RAP2C: variants seen among roughly 807,000 people sequenced by gnomAD.
RAP2C encodes the protein RAP2C, member of RAS oncogene family, also known as ras-related protein Rap-2c.
RAP2C carries 3 observed loss-of-function variants against 8.9 expected under a neutral mutation model. That is an observed-to-expected ratio of 0.34 (90% confidence interval 0.15 to 0.87). The LOEUF is 0.87. Among genes scored for constraint, RAP2C ranks in the 40% least tolerant of loss-of-function variants. The pLI is 0.51. For synonymous variants in RAP2C, 60 were observed against 52.1 expected, an observed-to-expected ratio of 1.15 and a Z score of -0.65; for missense variants, 76 against 133.7, an observed-to-expected ratio of 0.57 and a Z score of 2.13.
intron 5 of RAP2C, among the ~76,000 whole-genome samples, chrX:132,207,155 T>C (rs906761903): frequency 2.7e-5 from 3 of 111,959 alleles, no homozygotes; most frequent in Non-Finnish European, 5.7e-5. Context: ...GAATACTTTT[T>C]AGTAATTTAG....
In RAP2C at chrX:132,217,123, G is replaced by C; in HGVS notation, c.146C>G (p.Ser49Cys). ...FYRKEIEVDS[S>C]PSVLEILDTA... is the part of the protein sequence containing the mutation. Reference sequence around the variant, plus strand: ...GTCCAGAATTTCCAGCACGGAGGGGGAAGAGTCCACTTCGATCTCTTTGCG... The same window carrying C: ...GTCCAGAATTTCCAGCACGGAGGGGCAAGAGTCCACTTCGATCTCTTTGCG... The change falls in exon 4 of 6, where the codon TCC becomes TGC. Residue 49 changes from serine (S) to cysteine (C), a missense_variant. Ser to Cys is a moderately radical substitution (Grantham distance 112, BLOSUM62 -1). Transcript: ENST00000370874. The C allele has an allele frequency of 8.3e-7, 1 of 1,205,504 alleles. No homozygotes were observed. The highest frequency in any genetic ancestry group is 1.1e-6 in the Non-Finnish European group (1 of 892,445).
chrX:132,217,334 T>C lies in RAP2C; in HGVS notation c.-66A>G. On this transcript the variant is annotated 5_prime_UTR_variant, in exon 4 of 6. Transcript: ENST00000370874. ...ATCACCCCGCTAGCTGTGGCGCGGCTAGACGAGGCGGAAGGTGGGCGGAAA... is the reference window on the plus strand; with the variant it reads ...ATCACCCCGCTAGCTGTGGCGCGGCCAGACGAGGCGGAAGGTGGGCGGAAA... 5.0e-6 allele frequency: 5 copies of C among 1,000,329 alleles called. No homozygotes were observed. Among genetic ancestry groups the C allele is most frequent in the Admixed American group, 3.7e-5 (1 of 26,892 alleles). 82.4% of individuals were successfully genotyped at this position (1,000,329 alleles called of 1,213,427 possible).
Position 132,217,466 on chromosome X carries a change from G to C in RAP2C, c.-198C>G. On this transcript the variant is annotated 5_prime_UTR_variant, in exon 4 of 6. Coordinates refer to ENST00000370874, the MANE Select transcript of RAP2C (RefSeq NM_001271186.2). Reference sequence around the variant, plus strand: ...AGAGCGTAGAGTCGGGGAGGGTGGGGAAGGGATGGTAATGCCCTTCCTATA... The same window carrying C: ...AGAGCGTAGAGTCGGGGAGGGTGGGCAAGGGATGGTAATGCCCTTCCTATA... The C allele has an allele frequency of 2.8e-5, 5 of 175,562 alleles. No homozygotes were observed. The highest frequency in any genetic ancestry group is 1.2e-4 in the East Asian group (1 of 8,653). 14.5% of individuals were successfully genotyped at this position (175,562 alleles called of 1,213,427 possible). A position where few individuals can be genotyped will look rare whatever the true frequency, so the allele number is the denominator to read the frequency against.
chrX:132,212,314 A>C (rs1356277178), intron 5 of RAP2C, among the ~76,000 whole-genome samples: 1 of 111,961 alleles, frequency 8.9e-6, no homozygotes, highest in African/African-American at 3.2e-5. Flanking sequence ...ATACTAAAAA[A>C]AATCTATGTA....
chrX:132,207,988 A>G (rs1482187822), intron 5 of RAP2C, among the ~76,000 whole-genome samples: 3 of 95,832 alleles, frequency 3.1e-5, no homozygotes, highest in Admixed American at 1.1e-4. Flanking sequence ...TACTAATGCA[A>G]TATTATAGGA....
chrX:132,214,086 C>A, intron 5 of RAP2C, 48 bp downstream of exon 5: 1 of 1,062,643 alleles, frequency 9.4e-7, no homozygotes, highest in South Asian at 2.3e-5. Context: ...TTTACTTGAT[C>A]AAAAAACAAA....
chrX:132,215,205 TAAG>T (rs1930542595), intron 4 of RAP2C, among the ~76,000 whole-genome samples: 1 of 110,665 alleles, frequency 9.0e-6, no homozygotes, highest in African/African-American at 3.3e-5. Context: ...TTACAAAAGA[TAAG>T]AGCGTTAGCA....
chrX:132,214,065 C>A, intron 5 of RAP2C, 69 bp downstream of exon 5: 1 of 908,479 alleles, frequency 1.1e-6, no homozygotes, highest in South Asian at 2.6e-5. Flanking sequence ...TAACACTAAC[C>A]AGCTTTTTGT....
At chrX:132,207,001 A>C (rs1385216355) in intron 5 of RAP2C, among the ~76,000 whole-genome samples, 1 of 112,023 alleles carries the variant, frequency 8.9e-6, no homozygotes, top group African/African-American at 3.2e-5. Context: ...CTATGTTATA[A>C]ATTTCTAGAC....
At chrX:132,208,991 G>T (rs1930351586) in intron 5 of RAP2C, among the ~76,000 whole-genome samples, 1 of 111,724 alleles carries the variant, frequency 9.0e-6, no homozygotes, top group East Asian at 2.8e-4. Flanking sequence ...CTCTGATACA[G>T]GTTATGTTTT....
intron 5 of RAP2C, among the ~76,000 whole-genome samples, chrX:132,206,474 G>A (rs754066642): frequency 9.8e-5 from 11 of 112,221 alleles, no homozygotes; most frequent in African/African-American, 3.6e-4. Context: ...TCCTTCAACT[G>A]TGCTGAATCA....
chrX:132,212,669 A>C (rs1260697108), intron 5 of RAP2C, among the ~76,000 whole-genome samples: 1 of 112,299 alleles, frequency 8.9e-6, no homozygotes, highest in Non-Finnish European at 1.9e-5. Context: ...AAAACAGTAA[A>C]GACACAATCA....
chrX:132,212,789 A>AGTCTTTTTCCCC, intron 5 of RAP2C, among the ~76,000 whole-genome samples: 1 of 112,027 alleles, frequency 8.9e-6, no homozygotes, highest in Non-Finnish European at 1.9e-5. Flanking sequence ...TCAAAAGACT[A>AGTCTTTTTCCCC]TACTGCAAGT....
chrX:132,217,435 G>A lies in RAP2C; in HGVS notation c.-167C>T, dbSNP rs1434045454. On this transcript the variant is annotated 5_prime_UTR_variant, in exon 4 of 6. Coordinates refer to ENST00000370874, the MANE Select transcript of RAP2C (RefSeq NM_001271186.2). ...AGAAGAGGAAGTTACAGGAGGGGGA[G>A]GGGAAAGAGCGTAGAGTCGGGGAGG... The A allele has an allele frequency of 5.5e-6, 2 of 361,224 alleles. No individual in the cohort carries two copies. Among genetic ancestry groups the A allele is most frequent in the Non-Finnish European group, 9.4e-6 (2 of 213,069 alleles). The allele number at this position is 361,224 out of a possible 1,213,427, so 29.8% of individuals were successfully genotyped here.
At chrX:132,216,385 A>C (rs1009189243) in intron 4 of RAP2C, among the ~76,000 whole-genome samples, 1 of 111,955 alleles carries the variant, frequency 8.9e-6, no homozygotes, top group Middle Eastern at 4.6e-3. Context: ...TCTAGGTACT[A>C]GTCTTTTCTA....
At chrX:132,215,199 AAAAG>A (rs1930541934) in intron 4 of RAP2C, among the ~76,000 whole-genome samples, 1 of 110,781 alleles carries the variant, frequency 9.0e-6, no homozygotes, top group African/African-American at 3.3e-5. Flanking sequence ...AACGAATTAC[AAAAG>A]ATAAGAGCGT....
rs141266102 is a variant in RAP2C at position 132,214,183 on chromosome X, A to G, written c.537T>C (p.Thr179=). Reference sequence around the variant, plus strand: ...GTTATCTTCTTTACTGGACGACACAAGTTGTACAACACTGATCTTGCTTCT... The same window carrying G: ...GTTATCTTCTTTACTGGACGACACAGGTTGTACAACACTGATCTTGCTTCT... ...LPEKQDQCCT[T]CVVQ Residue 179 remains threonine, a synonymous_variant, in exon 5 of 6, where the codon ACT becomes ACC. Transcript: ENST00000370874. The G allele has an allele frequency of 8.3e-7, 1 of 1,207,884 alleles. No individual in the cohort carries two copies. The highest frequency in any genetic ancestry group is 1.1e-6 in the Non-Finnish European group (1 of 893,486).
At chrX:132,213,038 C>T (rs988846029) in intron 5 of RAP2C, among the ~76,000 whole-genome samples, 7 of 111,409 alleles carry the variant, frequency 6.3e-5, no homozygotes, top group African/African-American at 2.0e-4. Context: ...GTCTTTTCTC[C>T]GGGGAGCATA....
intron 5 of RAP2C, among the ~76,000 whole-genome samples, chrX:132,207,899 A>C (rs1930316440): frequency 9.0e-6 from 1 of 111,395 alleles, no homozygotes; most frequent in African/African-American, 3.3e-5. Context: ...AGTTTCCAGC[A>C]AGACACTCAA....
Sources: gnomAD v4.1 joint callset for allele counts (sites outside exome capture counted in the v4.1 genomes callset) on GRCh38, gnomAD v4.1.1 for gene constraint, MANE v1.5 for transcripts, NCBI Gene and HGNC (gene_info 2026-07-23, HGNC 2026-07-21) for gene names.